The following LAMC1 variants were observed in gnomAD, a reference collection of about 807,000 sequenced individuals.
LAMC1 encodes laminin subunit gamma 1.
Under a neutral mutation model 173.6 loss-of-function variants are expected in LAMC1, and 38 were observed. The observed-to-expected ratio is 0.22, with a 90% CI of 0.17 to 0.29. The LOEUF (loss-of-function observed/expected upper bound fraction) is 0.29, where lower values mean the gene tolerates loss of function less well. Ranked by LOEUF, LAMC1 falls within the 10% of genes least tolerant of loss-of-function variation. The probability of loss-of-function intolerance (pLI) is 1.00; values close to 1 mark genes in which losing one functional copy is unlikely to be tolerated. For missense variants in LAMC1, 1,824 were observed against 2,051.8 expected (o/e 0.89, Z 2.14); for synonymous variants, 746 against 749.1 (o/e 1.00, Z 0.07).
At position 183,128,742 on chromosome 1, in the gene LAMC1, A is replaced by G; in HGVS notation, c.3272A>G (p.Asp1091Gly). ...EVMDLLREAQ[D>G]VKDVDQNLMD... ...ATGGACCTCCTTCGTGAGGCCCAGG[A>G]TGTCAAAGGTACGCATGATTGAACA... Residue 1091 changes from aspartate to glycine, a missense_variant, in exon 18 of 28, where the codon GAT becomes GGT. By Grantham distance (94) the Asp-to-Gly change is moderately conservative (BLOSUM62 -1). Coordinates refer to ENST00000258341, the MANE Select transcript of LAMC1 (RefSeq NM_002293.4). 7.4e-6 allele frequency: 12 copies of G among 1,612,828 alleles called. No individual in the cohort carries two copies. Among genetic ancestry groups the G allele is most frequent in the Non-Finnish European group, 1.0e-5 (12 of 1,179,168 alleles).
At chr1:183,045,600 T>A (rs1654247388) in intron 1 of LAMC1, among the ~76,000 whole-genome samples, 1 of 152,086 alleles carries the variant, frequency 6.6e-6, no homozygotes, top group African/African-American at 2.4e-5. Context: ...GATTTTTTGT[T>A]GTTGTTGTTG....
chr1:183,132,590 C>T, intron 21 of LAMC1, 53 bp downstream of exon 21: 1 of 1,410,540 alleles, frequency 7.1e-7, no homozygotes, highest in Middle Eastern at 1.8e-4. Context: ...TGGTAAGTAA[C>T]ACTAGTTCAA....
At chr1:183,050,267 T>C (rs905348927) in intron 1 of LAMC1, among the ~76,000 whole-genome samples, 7 of 151,484 alleles carry the variant, frequency 4.6e-5, no homozygotes, top group Non-Finnish European at 1.0e-4. Flanking sequence ...TGTTTCTGCT[T>C]GTTTTCTCAG....
chr1:183,099,065 T>C (rs920950565), intron 1 of LAMC1, among the ~76,000 whole-genome samples: 1 of 152,126 alleles, frequency 6.6e-6, no homozygotes, highest in African/African-American at 2.4e-5. Context: ...TGTGTCTGCC[T>C]GCTGTCTATT....
chr1:183,100,651 T>C (rs1195711208), intron 1 of LAMC1, among the ~76,000 whole-genome samples: 1 of 152,234 alleles, frequency 6.6e-6, no homozygotes, highest in South Asian at 2.1e-4. Context: ...GGTTAGATGA[T>C]CTTCTCCATG....
chr1:183,106,289 A>G (rs141045775), intron 2 of LAMC1, among the ~76,000 whole-genome samples: 1,881 of 152,368 alleles, frequency 0.012, 21 homozygotes, highest in Middle Eastern at 0.024. Flanking sequence ...AGCATTAAAC[A>G]CAGAAATATG....
At chr1:183,072,941 C>T (rs1025802501) in intron 1 of LAMC1, among the ~76,000 whole-genome samples, 1 of 152,142 alleles carries the variant, frequency 6.6e-6, no homozygotes, top group Non-Finnish European at 1.5e-5. Flanking sequence ...GCTCAGGGCT[C>T]CCACTGATTC....
chr1:183,119,229 A>G (rs1656404541), intron 11 of LAMC1, among the ~76,000 whole-genome samples: 2 of 152,118 alleles, frequency 1.3e-5, no homozygotes, highest in Admixed American at 1.3e-4. Context: ...AGTTTTAAAC[A>G]AGGACCTTTT....
chr1:183,114,812 AATGTGGAG>A, intron 5 of LAMC1, 93 bp downstream of exon 5: 2 of 1,201,124 alleles, frequency 1.7e-6, no homozygotes, highest in Non-Finnish European at 2.4e-6. Flanking sequence ...TGGACAACTA[AATGTGGAG>A]ATGTATACAT....
intron 1 of LAMC1, among the ~76,000 whole-genome samples, chr1:183,048,077 C>G (rs1044682022): frequency 3.3e-5 from 5 of 152,052 alleles, no homozygotes; most frequent in Non-Finnish European, 5.9e-5. Flanking sequence ...AATCTGTGTA[C>G]CAATTTGTAT....
intron 1 of LAMC1, among the ~76,000 whole-genome samples, chr1:183,050,720 C>T (rs1376178359): frequency 4.0e-5 from 6 of 149,858 alleles, no homozygotes; most frequent in African/African-American, 4.9e-5. Flanking sequence ...GGTGAAACCC[C>T]GTCTCTACTA....
At chr1:183,105,511 T>G (rs1382602935) in intron 2 of LAMC1, among the ~76,000 whole-genome samples, 1 of 152,222 alleles carries the variant, frequency 6.6e-6, no homozygotes, top group Non-Finnish European at 1.5e-5. Flanking sequence ...TCAGCCTGTC[T>G]TGAGCCATTT....
At chr1:183,085,665 C>T (rs568580688) in intron 1 of LAMC1, among the ~76,000 whole-genome samples, 5 of 152,034 alleles carry the variant, frequency 3.3e-5, no homozygotes, top group African/African-American at 9.7e-5. Context: ...CCAGCATTCC[C>T]GGCTGTATAC....
intron 4 of LAMC1, among the ~76,000 whole-genome samples, chr1:183,113,011 A>T (rs940430463): frequency 2.4e-4 from 37 of 152,168 alleles, no homozygotes; most frequent in African/African-American, 8.7e-4. Context: ...CTCTGCAAAA[A>T]TAAAAAATAA....
Position 183,114,556 on chromosome 1 carries a change from G to C in LAMC1, c.1047G>C (p.Gln349His). The C allele has an allele frequency of 3.1e-6, 5 of 1,614,192 alleles. No homozygotes were observed. The highest frequency in any genetic ancestry group is 4.2e-6 in the Non-Finnish European group (5 of 1,180,032). Reference sequence around the variant, plus strand: ...CCTGTGATTGCAATGGTCGATCCCAGGAATGCTACTTCGACCCTGAACTCT... The same window carrying C: ...CCTGTGATTGCAATGGTCGATCCCACGAATGCTACTTCGACCCTGAACTCT... ...CLPCDCNGRSQECYFDPELYR... is the reference protein window; with the variant it reads ...CLPCDCNGRSHECYFDPELYR... Residue 349 changes from glutamine (Q) to histidine (H), a missense_variant, in exon 5 of 28, where the codon CAG becomes CAC. Transcript: ENST00000258341.
chr1:183,114,931 G>A (rs1342343660), intron 5 of LAMC1, among the ~76,000 whole-genome samples: 2 of 152,126 alleles, frequency 1.3e-5, no homozygotes, highest in East Asian at 3.8e-4. Context: ...TGTAAGAGGG[G>A]GGTGGTGGCC....
chr1:183,114,812 A>G lies in LAMC1; in HGVS notation c.1210+93A>G, dbSNP rs988341079. Reference sequence around the variant, plus strand: ...TGTTTCCAAGGCATTTGGACAACTAAATGTGGAGATGTATACATTATTGTA... The same window carrying G: ...TGTTTCCAAGGCATTTGGACAACTAGATGTGGAGATGTATACATTATTGTA... On this transcript the variant is annotated intron_variant, in intron 5 of 27. Transcript: ENST00000258341. 2.5e-6 allele frequency: 3 copies of G among 1,201,018 alleles called. No homozygotes were observed. In the African/African-American group the frequency reaches 4.5e-5, roughly 18 times the overall value. The allele number at this position is 1,201,018 out of a possible 1,614,324, so 74.4% of individuals were successfully genotyped here.
chr1:183,114,423 C>T, intron 4 of LAMC1, 108 bp from the exon 5 acceptor site: 3 of 1,096,298 alleles, frequency 2.7e-6, no homozygotes, highest in South Asian at 1.3e-5. Flanking sequence ...TAGTCTACCA[C>T]CATCTGTCTG....
intron 1 of LAMC1, among the ~76,000 whole-genome samples, chr1:183,101,316 G>T (rs1655828827): frequency 6.6e-6 from 1 of 151,384 alleles, no homozygotes; most frequent in Admixed American, 6.6e-5. Context: ...CTATAACCTC[G>T]CCCTCATTCA....
Sources: allele counts gnomAD v4.1 joint callset (sites outside exome capture counted in the v4.1 genomes callset), GRCh38; gene constraint gnomAD v4.1.1; transcripts MANE v1.5; gene names NCBI Gene and HGNC (gene_info 2026-07-23, HGNC 2026-07-21).